The following MLLT3 variants were observed in gnomAD, a reference collection of about 807,000 sequenced individuals.
The protein encoded by MLLT3 is protein AF-9.
A neutral mutation model predicts 53.2 loss-of-function variants in MLLT3; 4 were observed. That is an observed-to-expected ratio of 0.08 (90% CI 0.04 to 0.17). MLLT3 has a LOEUF of 0.17. Among genes scored for constraint, MLLT3 ranks in the 10% least tolerant of loss-of-function variants. The probability of loss-of-function intolerance (pLI) is 1.00; values close to 1 mark genes in which losing one functional copy is unlikely to be tolerated. For missense variants in MLLT3, 569 were observed against 684.0 expected, an observed-to-expected ratio of 0.83 and a Z score of 1.87; for synonymous variants, 283 against 230.6, an observed-to-expected ratio of 1.23 and a Z score of -2.06.
intron 3 of MLLT3, among the ~76,000 whole-genome samples, chr9:20,453,165 A>C (rs964293253): frequency 3.3e-5 from 5 of 152,220 alleles, no homozygotes; most frequent in African/African-American, 1.2e-4. Flanking sequence ...TTTAATTAAG[A>C]AATTAGTAAC....
intron 2 of MLLT3, among the ~76,000 whole-genome samples, chr9:20,593,541 TA>T (rs1820179371): frequency 1.3e-5 from 2 of 152,224 alleles, no homozygotes; most frequent in Non-Finnish European, 2.9e-5. Context: ...TTGTCTTTAG[TA>T]AAAATAGGAC....
intron 2 of MLLT3, among the ~76,000 whole-genome samples, chr9:20,614,166 G>A (rs745415119): frequency 1.3e-5 from 2 of 152,104 alleles, no homozygotes; most frequent in East Asian, 1.9e-4. Flanking sequence ...AGGCCAAGGC[G>A]GGAGGATCAC....
intron 2 of MLLT3, among the ~76,000 whole-genome samples, chr9:20,523,608 GA>G (rs1818122776): frequency 6.6e-6 from 1 of 152,176 alleles, no homozygotes. Flanking sequence ...AAGCCAGTCT[GA>G]AAAGACTACA....
chr9:20,430,073 G>A (rs567541546), intron 4 of MLLT3, among the ~76,000 whole-genome samples: 2 of 152,226 alleles, frequency 1.3e-5, no homozygotes, highest in South Asian at 2.1e-4. Flanking sequence ...AAGGTAGACT[G>A]CATATTTACA....
chr9:20,567,224 C>T (rs558087618), intron 2 of MLLT3, among the ~76,000 whole-genome samples: 15 of 139,070 alleles, frequency 1.1e-4, no homozygotes, highest in African/African-American at 4.0e-4. Context: ...TAAAATTAGG[C>T]TGGGTCCCTT....
chr9:20,350,370 C>T (rs1023296932), intron 10 of MLLT3, among the ~76,000 whole-genome samples: 10 of 151,970 alleles, frequency 6.6e-5, no homozygotes, highest in East Asian at 3.9e-4. Flanking sequence ...CCAAGGCGGG[C>T]GGATCACGAG....
chr9:20,621,647 G>T lies in MLLT3; in HGVS notation c.12+598C>A. The T allele has an allele frequency of 2.2e-6, 2 of 909,058 alleles. No individual in the cohort carries two copies. Among genetic ancestry groups the T allele is most frequent in the Non-Finnish European group, 3.1e-6 (2 of 638,772 alleles). 56.3% of individuals were successfully genotyped at this position (909,058 alleles called of 1,614,324 possible). On this transcript the variant is annotated intron_variant, in intron 1 of 10. Coordinates refer to ENST00000380338, the MANE Select transcript of MLLT3 (RefSeq NM_004529.4). This position sits in a 1 kb window ranked among gnomAD's most constrained non-coding sequence, Gnocchi z 7.0. The stretch of plus-strand genomic sequence containing the variant: ...TGAAATTCAGAAAGGCAGGGCGGCG[G>T]GCGGACAGCCGCCGAGCCTCGGCTC...
chr9:20,487,684 T>C (rs1824848903), intron 2 of MLLT3, among the ~76,000 whole-genome samples: 1 of 152,172 alleles, frequency 6.6e-6, no homozygotes, highest in African/African-American at 2.4e-5. Context: ...AACTAATTCT[T>C]ACCAAATTAA....
intron 2 of MLLT3, among the ~76,000 whole-genome samples, chr9:20,576,334 G>T (rs1278140150): frequency 6.6e-6 from 1 of 152,132 alleles, no homozygotes; most frequent in Non-Finnish European, 1.5e-5. Context: ...TCACTCATGT[G>T]TTCATTGGAG....
intron 4 of MLLT3, among the ~76,000 whole-genome samples, chr9:20,415,744 T>C (rs1822854621): frequency 6.6e-6 from 1 of 152,020 alleles, no homozygotes. Flanking sequence ...AAATGAACAA[T>C]CTACTTATTG....
At chr9:20,384,814 CAG>C (rs1215638598) in intron 5 of MLLT3, among the ~76,000 whole-genome samples, 4 of 152,086 alleles carry the variant, frequency 2.6e-5, no homozygotes, top group Non-Finnish European at 5.9e-5. Flanking sequence ...GTTTTACTTA[CAG>C]AGACTGATCT....
At chr9:20,568,261 G>A (rs1252926461) in intron 2 of MLLT3, among the ~76,000 whole-genome samples, 1 of 152,136 alleles carries the variant, frequency 6.6e-6, no homozygotes, top group East Asian at 1.9e-4. Flanking sequence ...AAGATTGTGA[G>A]TTAATAATTA....
intron 2 of MLLT3, among the ~76,000 whole-genome samples, chr9:20,502,693 C>CTATTTTATAGCA (rs2118944498): frequency 6.6e-6 from 1 of 152,286 alleles, no homozygotes; most frequent in Admixed American, 6.5e-5. Context: ...AAATACTATG[C>CTATTTTATAGCA]TATTTTATAT....
intron 2 of MLLT3, among the ~76,000 whole-genome samples, chr9:20,596,457 AG>A (rs1226798226): frequency 1.3e-5 from 2 of 152,238 alleles, no homozygotes; most frequent in African/African-American, 4.8e-5. Context: ...TGGGAGGCCA[AG>A]GCAGGCGGAT....
chr9:20,392,692 T>G (rs1296061798), intron 5 of MLLT3, among the ~76,000 whole-genome samples: 1 of 152,192 alleles, frequency 6.6e-6, no homozygotes, highest in African/African-American at 2.4e-5. Flanking sequence ...GAACACAGCT[T>G]CCATATCTTT....
intron 2 of MLLT3, among the ~76,000 whole-genome samples, chr9:20,567,934 C>A (rs772920873): frequency 6.3e-4 from 96 of 152,148 alleles, no homozygotes; most frequent in African/African-American, 2.1e-3. Context: ...AAAATACTTA[C>A]CTCCATCCCC....
intron 2 of MLLT3, among the ~76,000 whole-genome samples, chr9:20,463,747 T>A (rs1260329058): frequency 6.6e-6 from 1 of 152,090 alleles, no homozygotes; most frequent in Admixed American, 6.6e-5. Context: ...TTATTGAAAA[T>A]AATACAAATG....
chr9:20,589,565 C>T (rs866706786), intron 2 of MLLT3, among the ~76,000 whole-genome samples: 22 of 143,474 alleles, frequency 1.5e-4, no homozygotes, highest in African/African-American at 5.5e-4. Context: ...GCACATGTAC[C>T]CTAAAACTTA....
At chr9:20,389,139 A>C (rs1254579181) in intron 5 of MLLT3, among the ~76,000 whole-genome samples, 1 of 152,366 alleles carries the variant, frequency 6.6e-6, no homozygotes, top group African/African-American at 2.4e-5. Context: ...ATGAACAGAA[A>C]GGCAAATTGT....
Sources: allele counts gnomAD v4.1 joint callset (sites outside exome capture counted in the v4.1 genomes callset), GRCh38; gene constraint gnomAD v4.1.1; non-coding constraint Gnocchi (gnomAD v3.1); transcripts MANE v1.5; gene names NCBI Gene and HGNC (gene_info 2026-07-23, HGNC 2026-07-21).